NCAM1: variants seen among roughly 807,000 people sequenced by gnomAD.
The protein encoded by NCAM1 is neural cell adhesion molecule 1, also known as antigen recognized by monoclonal antibody 5.1H11.
A neutral mutation model predicts 109.8 loss-of-function variants in NCAM1; 14 were observed. The observed-to-expected ratio is 0.13, with a 90% CI of 0.08 to 0.20. The LOEUF is 0.20. NCAM1 is among the 10% of genes least tolerant of loss of function. NCAM1 has a pLI of 1.00. For synonymous variants in NCAM1, 418 were observed against 442.9 expected (o/e 0.94, Z 0.70); for missense variants, 774 against 1,109.9 (o/e 0.70, Z 4.30).
intron 1 of NCAM1, among the ~76,000 whole-genome samples, chr11:113,116,033 G>A (rs192807604): frequency 2.0e-5 from 3 of 152,172 alleles, no homozygotes; most frequent in African/African-American, 7.2e-5. Context: ...ACAGGTTTAC[G>A]GCAAATACAA....
At chr11:113,208,027 A>C in intron 7 of NCAM1, 25 bp downstream of exon 7, 1 of 1,589,320 alleles carries the variant, frequency 6.3e-7, no homozygotes, top group East Asian at 2.3e-5. Context: ...GGCCCAGGTC[A>C]CTGCTCTGCC....
chr11:113,138,197 C>G (rs782746553), intron 1 of NCAM1, among the ~76,000 whole-genome samples: 23 of 152,198 alleles, frequency 1.5e-4, no homozygotes, highest in Non-Finnish European at 1.8e-4. Context: ...CCCTCCCTTT[C>G]CCCAAATTGA....
intron 1 of NCAM1, among the ~76,000 whole-genome samples, chr11:113,095,047 G>A (rs1436110): frequency 0.79 from 120,543 of 152,088 alleles, 47,933 homozygotes; most frequent in African/African-American, 0.87. Flanking sequence ...TGAGACCTTC[G>A]AGTTCTTGCA....
At chr11:113,044,997 G>T (rs1015659114) in intron 1 of NCAM1, among the ~76,000 whole-genome samples, 1 of 152,046 alleles carries the variant, frequency 6.6e-6, no homozygotes, top group African/African-American at 2.4e-5. Context: ...CTCGTGATCC[G>T]CCCGCCTCGG....
At chr11:113,111,216 T>G (rs1332861808) in intron 1 of NCAM1, among the ~76,000 whole-genome samples, 1 of 152,210 alleles carries the variant, frequency 6.6e-6, no homozygotes, top group Non-Finnish European at 1.5e-5. Context: ...GCATTTGTTT[T>G]CATCTGTGCT....
Position 112,963,694 on chromosome 11 carries a change from G to C in NCAM1, c.52+2030G>C, listed in dbSNP as rs545557394. ...GTTTTTGAGACATCCTCGCCCCCGG[G>C]TGGGAGCGTGACAATGGAGCCCGGA... On this transcript the variant is annotated intron_variant, in intron 1 of 19. Transcript: ENST00000316851. This position sits in a 1 kb window ranked among gnomAD's most constrained non-coding sequence, Gnocchi z 4.6. 2.0e-5 allele frequency among the ~76,000 whole-genome samples: 3 copies of C among 152,370 alleles called. No homozygotes were observed. The South Asian group carries it at 6.2e-4, about 32-fold the overall frequency.
At chr11:113,079,786 C>T (rs1938704128) in intron 1 of NCAM1, among the ~76,000 whole-genome samples, 1 of 152,200 alleles carries the variant, frequency 6.6e-6, no homozygotes, top group Non-Finnish European at 1.5e-5. Flanking sequence ...GAAAACACTG[C>T]CCTGACTGTT....
intron 1 of NCAM1, among the ~76,000 whole-genome samples, chr11:113,128,211 G>A (rs530166333): frequency 4.6e-5 from 7 of 152,230 alleles, no homozygotes; most frequent in South Asian, 2.1e-4. Context: ...TTCACTGCTC[G>A]GGCCTTGCGT....
chr11:113,072,452 A>G (rs1319150007), intron 1 of NCAM1, among the ~76,000 whole-genome samples: 2 of 152,186 alleles, frequency 1.3e-5, no homozygotes, highest in African/African-American at 4.8e-5. Flanking sequence ...AGAGCATTTT[A>G]AAGGAGACTT....
At chr11:113,015,679 T>G (rs1433115222) in intron 1 of NCAM1, among the ~76,000 whole-genome samples, 2 of 151,684 alleles carry the variant, frequency 1.3e-5, no homozygotes, top group Non-Finnish European at 2.9e-5. Context: ...GAGGTTGCAG[T>G]GAGCCGAGAT....
chr11:113,090,557 C>G (rs182567927), intron 1 of NCAM1, among the ~76,000 whole-genome samples: 1 of 152,258 alleles, frequency 6.6e-6, no homozygotes, highest in Non-Finnish European at 1.5e-5. Flanking sequence ...TGTCACAATG[C>G]CACCGCATCA....
At chr11:113,050,546 T>A (rs1953440714) in intron 1 of NCAM1, among the ~76,000 whole-genome samples, 1 of 152,206 alleles carries the variant, frequency 6.6e-6, no homozygotes, top group African/African-American at 2.4e-5. Context: ...GTGTGTCTAT[T>A]TTTATACCAG....
intron 1 of NCAM1, among the ~76,000 whole-genome samples, chr11:113,076,062 T>C (rs962208638): frequency 2.0e-5 from 3 of 152,206 alleles, no homozygotes; most frequent in Admixed American, 6.5e-5. Flanking sequence ...CTGATGTCTG[T>C]TGGGCAAAGG....
At chr11:113,230,670 C>A (rs1218987601) in intron 9 of NCAM1, among the ~76,000 whole-genome samples, 2 of 152,196 alleles carry the variant, frequency 1.3e-5, no homozygotes, top group Non-Finnish European at 2.9e-5. Context: ...CAGAATATAA[C>A]CTCCTGTCCA....
chr11:113,254,333 C>T (rs1555121909), intron 15 of NCAM1, among the ~76,000 whole-genome samples: 1 of 152,164 alleles, frequency 6.6e-6, no homozygotes, highest in Non-Finnish European at 1.5e-5. Flanking sequence ...TCTAAGAAAA[C>T]AAATAATAAG....
At chr11:113,269,987 A>C (rs145939215) in intron 17 of NCAM1, 2 of 601,702 alleles carry the variant, frequency 3.3e-6, no homozygotes, top group Non-Finnish European at 5.9e-6. Flanking sequence ...TGATGTTGTC[A>C]TCCCTCCCTC....
intron 1 of NCAM1, among the ~76,000 whole-genome samples, chr11:113,000,096 T>C (rs1951705217): frequency 6.6e-6 from 1 of 152,200 alleles, no homozygotes; most frequent in Admixed American, 6.5e-5. Flanking sequence ...ACTGATTAAT[T>C]AGCTATGACC....
rs797044079 is a variant in NCAM1 at position 113,044,434 on chromosome 11, C to T, written c.52+82770C>T. Among the ~76,000 whole-genome samples the T allele has an allele frequency of 6.6e-5, 10 of 152,234 alleles. No homozygotes were observed. The South Asian group carries it at 1.7e-3, about 25-fold the overall frequency. On this transcript the variant is annotated intron_variant, in intron 1 of 19. Coordinates refer to ENST00000316851, the MANE Select transcript of NCAM1 (RefSeq NM_181351.5). ...GTGTGGTGGCTCATGCCTGCAATCC[C>T]AGCACTTTGGGAGGCTGAGGCGGGC...
At chr11:113,075,566 AGAG>A (rs1422356658) in intron 1 of NCAM1, among the ~76,000 whole-genome samples, 1 of 152,176 alleles carries the variant, frequency 6.6e-6, no homozygotes, top group Non-Finnish European at 1.5e-5. Flanking sequence ...TGGGGTCTTT[AGAG>A]GAAGGCTCTC....
Sources: allele counts gnomAD v4.1 joint callset (sites outside exome capture counted in the v4.1 genomes callset), GRCh38; gene constraint gnomAD v4.1.1; non-coding constraint Gnocchi (gnomAD v3.1); transcripts MANE v1.5; gene names NCBI Gene and HGNC (gene_info 2026-07-23, HGNC 2026-07-21).